IFT140: variants seen among roughly 807,000 people sequenced by gnomAD.
The protein encoded by IFT140 is intraflagellar transport protein 140 homolog.
Under a neutral mutation model 164.6 loss-of-function variants are expected in IFT140, and 133 were observed. That is an observed-to-expected ratio of 0.81 (90% confidence interval 0.70 to 0.93). The LOEUF is 0.93. Ranked by LOEUF, IFT140 falls within the 40% of genes least tolerant of loss-of-function variation. The probability of loss-of-function intolerance (pLI) is 0.00; values close to 1 mark genes in which losing one functional copy is unlikely to be tolerated. For synonymous variants in IFT140, 860 were observed against 817.3 expected, an observed-to-expected ratio of 1.05 and a Z score of -0.89; for missense variants, 2,045 against 1,972.3, an observed-to-expected ratio of 1.04 and a Z score of -0.70.
At chr16:1,536,569 C>A (rs1176250393) in intron 19 of IFT140, among the ~76,000 whole-genome samples, 5 of 152,228 alleles carry the variant, frequency 3.3e-5, no homozygotes, top group African/African-American at 4.8e-5. Context: ...AAACGGGACT[C>A]AGCTCAGGAA....
intron 4 of IFT140, among the ~76,000 whole-genome samples, chr16:1,593,397 C>T (rs571140047): frequency 4.4e-4 from 67 of 151,694 alleles, no homozygotes; most frequent in African/African-American, 1.5e-3. Context: ...CTGCAACCTC[C>T]GCCTCCTGGG....
rs918767420 is a variant in IFT140, at chr16:1,571,429, T to C, written c.1630A>G (p.Lys544Glu). Residue 544 changes from lysine to glutamate, a missense_variant, in exon 14 of 31, where the codon AAA becomes GAA. Transcript: ENST00000426508. ...TACCTTCGGGAAAGATCAAAGCTTT[T>C]AAAGTGAGCCAAGTCTGTCCCTACA... ...LVVGTDLAHF[K>E]SFDLSRREAK... The C allele has an allele frequency of 3.1e-6, 5 of 1,613,522 alleles. No homozygotes were observed. The highest frequency in any genetic ancestry group is 4.2e-6 in the Non-Finnish European group (5 of 1,179,882).
chr16:1,557,279 G>C (rs149421564), intron 19 of IFT140, among the ~76,000 whole-genome samples: 1 of 152,150 alleles, frequency 6.6e-6, no homozygotes. Context: ...TGGAAGGCCC[G>C]GCAGGGGGAA....
intron 30 of IFT140, among the ~76,000 whole-genome samples, chr16:1,515,566 C>T (rs2040312400): frequency 6.6e-6 from 1 of 152,040 alleles, no homozygotes; most frequent in Admixed American, 6.6e-5. Context: ...GCCACCATGC[C>T]TTGCTATTTT....
chr16:1,582,118 G>A (rs1209526869), intron 12 of IFT140, among the ~76,000 whole-genome samples: 1 of 152,172 alleles, frequency 6.6e-6, no homozygotes, highest in African/African-American at 2.4e-5. Flanking sequence ...TGCACATCCT[G>A]GTGGCGGGGC....
chr16:1,554,970 C>T (rs996598795), intron 19 of IFT140: 1 of 1,613,960 alleles, frequency 6.2e-7, no homozygotes, highest in Non-Finnish European at 8.5e-7. Context: ...CAGCCGCTCC[C>T]TGACAGCGCG....
chr16:1,570,934 T>G (rs2033981474), intron 14 of IFT140, among the ~76,000 whole-genome samples: 1 of 152,138 alleles, frequency 6.6e-6, no homozygotes, highest in Non-Finnish European at 1.5e-5. Flanking sequence ...TTTTAAAAGT[T>G]TTTGTAGAGA....
At chr16:1,583,249 C>T in intron 12 of IFT140, 65 bp downstream of exon 12, 2 of 1,399,982 alleles carry the variant, frequency 1.4e-6, no homozygotes, top group Non-Finnish European at 2.0e-6. Flanking sequence ...GTGGCCCTCT[C>T]ATTAGGCAGG....
At chr16:1,522,503 A>G (rs1296338926) in intron 26 of IFT140, among the ~76,000 whole-genome samples, 1 of 152,108 alleles carries the variant, frequency 6.6e-6, no homozygotes, top group Non-Finnish European at 1.5e-5. Flanking sequence ...CCATTGCACT[A>G]TAGCCTGGGC....
intron 7 of IFT140, among the ~76,000 whole-genome samples, chr16:1,588,773 C>T (rs1197035057): frequency 6.6e-6 from 1 of 152,140 alleles, no homozygotes; most frequent in African/African-American, 2.4e-5. Context: ...CTGCATACCC[C>T]AAACTCATAT....
chr16:1,526,204 G>A (rs1222771306), intron 20 of IFT140, 127 bp from the exon 21 acceptor site: 16 of 911,184 alleles, frequency 1.8e-5, no homozygotes, highest in East Asian at 1.1e-4. Flanking sequence ...ACACGGGGCC[G>A]CTGTGGGCAC....
At chr16:1,554,905 T>C in intron 19 of IFT140, 1 of 1,614,242 alleles carries the variant, frequency 6.2e-7, no homozygotes. Context: ...GCCATGCTCA[T>C]CTGGAACATT....
chr16:1,524,754 G>T (rs377725041), intron 23 of IFT140, 30 bp downstream of exon 23: 2 of 1,589,452 alleles, frequency 1.3e-6, no homozygotes, highest in Non-Finnish European at 1.7e-6. Context: ...CCTCGTGTCC[G>T]CCTGGCCGGC....
chr16:1,537,360 A>G (rs2031182785), intron 19 of IFT140, among the ~76,000 whole-genome samples: 1 of 152,232 alleles, frequency 6.6e-6, no homozygotes, highest in African/African-American at 2.4e-5. Flanking sequence ...CATGGGGCAC[A>G]TGGAGTCAAA....
Position 1,519,906 on chromosome 16 carries a change from C to T in IFT140, c.4015G>A (p.Val1339Met), listed in dbSNP as rs752553987. 1.0e-5 allele frequency: 16 copies of T among 1,572,216 alleles called. No homozygotes were observed. Among genetic ancestry groups the T allele is most frequent in the Admixed American group, 9.6e-5 (5 of 51,942 alleles). ...CTGCGGGCCTGGATGAACCTCTTCA[C>T]CAGTGCCATCCTGCTCTGCAGCTGC... ...LAQLQSRMAL[V>M]KRFIQARRTY... Residue 1339 changes from valine to methionine, a missense_variant, in exon 29 of 31, where the codon GTG (valine) becomes ATG (methionine). Coordinates refer to ENST00000426508, the MANE Select transcript of IFT140 (RefSeq NM_014714.4).
chr16:1,596,397 T>G (rs1050681559), intron 4 of IFT140, among the ~76,000 whole-genome samples: 1 of 152,210 alleles, frequency 6.6e-6, no homozygotes, highest in Non-Finnish European at 1.5e-5. Context: ...ACATACGAGC[T>G]TCTAGCTGAC....
chr16:1,568,270 C>G lies in IFT140; in HGVS notation c.1717G>C (p.Ala573Pro), dbSNP rs528350505. 6.2e-7 allele frequency: 1 copy of G among 1,613,128 alleles called. No homozygotes were observed. Among genetic ancestry groups the G allele is most frequent in the Non-Finnish European group, 8.5e-7 (1 of 1,179,808 alleles). ...CCGCTGCTGCTGCACCGCAGAGAAG[C>G]GATGCCCCCCACCCCAGGGACCAGC... ...AELVPGVGGI[A>P]SLRCSSSGST... is the part of the protein sequence containing the mutation. Residue 573 changes from alanine (A) to proline (P), a missense_variant, in exon 15 of 31, where the codon GCT (alanine) becomes CCT (proline). Ala to Pro is a conservative substitution (Grantham distance 27). Coordinates refer to ENST00000426508, the MANE Select transcript of IFT140 (RefSeq NM_014714.4).
At chr16:1,557,727 C>T in intron 19 of IFT140, 1 of 588,698 alleles carries the variant, frequency 1.7e-6, no homozygotes, top group Non-Finnish European at 3.0e-6. Flanking sequence ...GCCCGAGAGG[C>T]TCCCAGCACC....
chr16:1,583,269 A>G (rs1446285109), intron 12 of IFT140, 45 bp downstream of exon 12: 1 of 1,544,942 alleles, frequency 6.5e-7, no homozygotes, highest in South Asian at 1.1e-5. Flanking sequence ...GGAGGAAATA[A>G]AGCCAGGTAG....
Sources: allele counts gnomAD v4.1 joint callset (sites outside exome capture counted in the v4.1 genomes callset), GRCh38; gene constraint gnomAD v4.1.1; transcripts MANE v1.5; gene names NCBI Gene and HGNC (gene_info 2026-07-23, HGNC 2026-07-21).